ZNF746: variants seen among roughly 807,000 people sequenced by gnomAD.
The protein encoded by ZNF746 is zinc finger protein 746, also known as parkin-interacting substrate.
ZNF746 carries 13 observed loss-of-function variants against 41.0 expected under a neutral mutation model. The ratio of observed to expected loss-of-function variants is 0.32; its 90% CI spans 0.21 to 0.50. ZNF746 has a LOEUF of 0.50. Among genes scored for constraint, ZNF746 ranks in the 20% least tolerant of loss-of-function variants. The probability of loss-of-function intolerance (pLI) is 0.98; values close to 1 mark genes in which losing one functional copy is unlikely to be tolerated. For synonymous variants in ZNF746, 424 were observed against 396.2 expected, an observed-to-expected ratio of 1.07 and a Z score of -0.83; for missense variants, 811 against 922.9, an observed-to-expected ratio of 0.88 and a Z score of 1.57.
intron 4 of ZNF746, chr7:149,491,644 A>T (rs1346196234): frequency 3.7e-6 from 2 of 537,162 alleles, no homozygotes; most frequent in African/African-American, 3.8e-5. Flanking sequence ...GGAAAGTGCA[A>T]ATCTGACTGA....
chr7:149,495,893 C>T (rs1187757897), intron 1 of ZNF746, among the ~76,000 whole-genome samples: 2 of 152,152 alleles, frequency 1.3e-5, no homozygotes, highest in Non-Finnish European at 2.9e-5. Flanking sequence ...TGTTTCTAGG[C>T]GAAAACCCCA....
intron 4 of ZNF746, chr7:149,490,902 C>T (rs952821732): frequency 1.7e-3 from 1 of 596 alleles, no homozygotes; most frequent in Admixed American, 0.071. Context: ...GGGGTGAGGA[C>T]CCTGTCCCAG....
At chr7:149,493,113 C>T (rs1800864773) in intron 3 of ZNF746, 141 bp from the exon 4 acceptor site, 2 of 625,614 alleles carry the variant, frequency 3.2e-6, no homozygotes, top group African/African-American at 3.7e-5. Context: ...CAATTTTGCT[C>T]CCTGGGGGCA....
At position 149,497,203 on chromosome 7, in the gene ZNF746, G is replaced by A. The variant is rs1321193751; in HGVS notation, c.24+310C>T. The A allele has an allele frequency of 1.4e-5, 14 of 984,694 alleles. No homozygotes were observed. Among genetic ancestry groups the A allele is most frequent in the South Asian group, 4.7e-5 (1 of 21,278 alleles). The allele number at this position is 984,694 out of a possible 1,614,324, so 61.0% of individuals were successfully genotyped here. A position where few individuals can be genotyped will look rare whatever the true frequency, so the allele number is the denominator to read the frequency against. On this transcript the variant is annotated intron_variant, in intron 1 of 6. Transcript: ENST00000458143. The surrounding 1 kb of genome is among the most constrained non-coding windows in gnomAD (Gnocchi z 4.2). ...AGAGAAAGGAGCCGCGGGTGGGGGG[G>A]CACCCAGAAGGAGGGGACAGCGGCT...
chr7:149,486,369 C>G (rs1331340430), intron 4 of ZNF746, among the ~76,000 whole-genome samples: 1 of 150,060 alleles, frequency 6.7e-6, no homozygotes, highest in Non-Finnish European at 1.5e-5. Context: ...TGGATCTACA[C>G]CTACAGAAGC....
chr7:149,477,030 A>T lies in ZNF746; in HGVS notation c.775T>A (p.Ser259Thr), dbSNP rs552990335. ...CAGGAGGTGGGCGGGATGGTGGTGG[A>T]AAAGTTGGAATGGACACCTGCGGTA... ...DATSGVHSNF[S>T]TTIPPTSWQT... The change falls in exon 6 of 7, where the codon TCC becomes ACC. Residue 259 changes from serine to threonine, a missense_variant. Transcript: ENST00000458143. 3.3e-5 allele frequency: 53 copies of T among 1,612,986 alleles called. No homozygotes were observed. Among genetic ancestry groups the T allele is most frequent in the Non-Finnish European group, 4.2e-5 (50 of 1,179,732 alleles).
rs550712492 is a variant in ZNF746 at position 149,484,595 on chromosome 7, T to C, written c.566-6840A>G. The stretch of plus-strand genomic sequence containing the variant: ...ACTCAATGTGAAAAGTTAAAAAGTG[T>C]CCTCTTTAAAATCATGAACCAATAG... On this transcript the variant is annotated intron_variant, in intron 4 of 6. Transcript: ENST00000458143. 2.0e-5 allele frequency among the ~76,000 whole-genome samples: 3 copies of C among 152,268 alleles called. 1 individual carries two copies. The South Asian group carries it at 6.2e-4, about 32-fold the overall frequency.
chr7:149,484,827 C>T (rs538241613), intron 4 of ZNF746, among the ~76,000 whole-genome samples: 53 of 152,110 alleles, frequency 3.5e-4, no homozygotes, highest in African/African-American at 1.1e-3. Flanking sequence ...GTTCCTAGAT[C>T]GTTATCAATA....
intron 3 of ZNF746, among the ~76,000 whole-genome samples, chr7:149,493,633 A>G (rs1800886502): frequency 6.6e-6 from 1 of 152,242 alleles, no homozygotes; most frequent in African/African-American, 2.4e-5. Context: ...TGTTTGTAGG[A>G]GAAGGCTGAA....
intron 5 of ZNF746, 100 bp downstream of exon 5, chr7:149,477,464 T>C: frequency 7.5e-7 from 1 of 1,328,848 alleles, no homozygotes; most frequent in Non-Finnish European, 1.0e-6. Context: ...AGGCCGGAAG[T>C]GTTGAGGGCC....
At chr7:149,487,382 AT>A (rs1800659459) in intron 4 of ZNF746, among the ~76,000 whole-genome samples, 1 of 152,240 alleles carries the variant, frequency 6.6e-6, no homozygotes, top group Non-Finnish European at 1.5e-5. Context: ...CTTTAACAAT[AT>A]TTTCAAAAGC....
At chr7:149,479,960 G>GA (rs536847099) in intron 4 of ZNF746, among the ~76,000 whole-genome samples, 89 of 149,308 alleles carry the variant, frequency 6.0e-4, no homozygotes, top group African/African-American at 2.1e-3. Context: ...CCACAGAGGG[G>GA]AAAAAAAAAA....
intron 4 of ZNF746, among the ~76,000 whole-genome samples, chr7:149,481,653 C>CA (rs1418755677): frequency 1.3e-5 from 2 of 151,984 alleles, no homozygotes; most frequent in African/African-American, 4.8e-5. Flanking sequence ...ATCAGACCCA[C>CA]AAAAAATAAC....
intron 5 of ZNF746, 96 bp downstream of exon 5, chr7:149,477,468 G>T: frequency 2.9e-6 from 4 of 1,375,158 alleles, no homozygotes; most frequent in Non-Finnish European, 4.0e-6. Context: ...CGGAAGTGTT[G>T]AGGGCCCACA....
rs1325610286 is a variant in ZNF746 at position 149,472,820 on chromosome 7, C to T, written c.*1564G>A. 2 of 152,584 alleles carry T rather than the reference C, an allele frequency of 1.3e-5. No homozygotes were observed. The highest frequency in any genetic ancestry group is 4.8e-5 in the African/African-American group (2 of 41,442). The allele number at this position is 152,584 out of a possible 1,614,324, so 9.5% of individuals were successfully genotyped here. ...TGGTGCTGGTTAGGTTTTATTTTAA[C>T]AGGATGTTTTCTCTTATTTTTCAAA... On this transcript the variant is annotated 3_prime_UTR_variant, in exon 7 of 7. Transcript: ENST00000458143.
rs1800259131 is a variant in ZNF746 at position 149,475,295 on chromosome 7, C to T, written c.1072G>A (p.Val358Met). ...QGSSFPSQDP[V>M]LGLREPARPE... Reference sequence around the variant, plus strand: ...CGGGCGGGCTCTCGCAGCCCCAGCACAGGGTCCTGGCTGGGGAAGGAGCTG... The same window carrying T: ...CGGGCGGGCTCTCGCAGCCCCAGCATAGGGTCCTGGCTGGGGAAGGAGCTG... Residue 358 changes from valine (V) to methionine (M), a missense_variant, in exon 7 of 7, where the codon GTG (valine) becomes ATG (methionine). Physicochemically the swap from Val to Met is conservative, Grantham distance 21. This residue lies in a region of ZNF746 where 495 missense variants were observed against 481.6 expected (regional missense o/e 1.03). Transcript: ENST00000458143. The T allele has an allele frequency of 1.9e-6, 3 of 1,613,592 alleles. No individual in the cohort carries two copies. The highest frequency in any genetic ancestry group is 2.2e-5 in the East Asian group (1 of 44,834).
In ZNF746 at chr7:149,477,866, A is replaced by G; in HGVS notation, c.566-111T>C. ...AGGGGCCTTACAAGGGTCCAACAGCAAAAGAGCCTGGTGGGAAGGGAGGCA... is the reference window on the plus strand; with the variant it reads ...AGGGGCCTTACAAGGGTCCAACAGCGAAAGAGCCTGGTGGGAAGGGAGGCA... On this transcript the variant is annotated intron_variant, in intron 4 of 6. Coordinates refer to ENST00000458143, the MANE Select transcript of ZNF746 (RefSeq NM_001394198.1). The G allele has an allele frequency of 3.4e-6, 3 of 885,640 alleles. No individual in the cohort carries two copies. The South Asian group carries it at 6.5e-5, about 19-fold the overall frequency. 54.9% of individuals were successfully genotyped at this position (885,640 alleles called of 1,614,324 possible).
intron 4 of ZNF746, chr7:149,487,833 C>T (rs777437150): frequency 6.6e-6 from 1 of 152,062 alleles, no homozygotes. Flanking sequence ...GAGCAATTCT[C>T]CAGAAATTAG....
chr7:149,485,226 G>A (rs918904003), intron 4 of ZNF746, among the ~76,000 whole-genome samples: 4 of 150,414 alleles, frequency 2.7e-5, no homozygotes, highest in South Asian at 2.1e-4. Flanking sequence ...ACTTCATTGC[G>A]ACACTATAGA....
Sources: allele counts gnomAD v4.1 joint callset (sites outside exome capture counted in the v4.1 genomes callset), GRCh38; gene constraint gnomAD v4.1.1; regional missense constraint gnomAD v4.1.1; non-coding constraint Gnocchi (gnomAD v3.1); transcripts MANE v1.5; gene names NCBI Gene and HGNC (gene_info 2026-07-23, HGNC 2026-07-21).